Variants in MARK4 observed in about 807,000 individuals in gnomAD.
The protein encoded by MARK4 is MAP/microtubule affinity-regulating kinase 4.
Under a neutral mutation model 81.5 loss-of-function variants are expected in MARK4, and 19 were observed. That is an observed-to-expected ratio of 0.23 (90% CI 0.16 to 0.34). The LOEUF is 0.34. MARK4 is among the 10% of genes least tolerant of loss of function. The probability of loss-of-function intolerance (pLI) is 1.00; values close to 1 mark genes in which losing one functional copy is unlikely to be tolerated. For synonymous variants in MARK4, 436 were observed against 439.0 expected (o/e 0.99, Z 0.08); for missense variants, 772 against 1,058.8 (o/e 0.73, Z 3.76).
chr19:45,270,697 T>C (rs530364304), intron 7 of MARK4, among the ~76,000 whole-genome samples: 4 of 152,240 alleles, frequency 2.6e-5, no homozygotes, highest in Non-Finnish European at 5.9e-5. Context: ...CCTCCCAGGT[T>C]CAAGCAATTT....
intron 13 of MARK4, among the ~76,000 whole-genome samples, chr19:45,291,410 G>T (rs1422012566): frequency 6.6e-6 from 1 of 152,220 alleles, no homozygotes; most frequent in Non-Finnish European, 1.5e-5. Context: ...AGTTTGGGAG[G>T]CCGAGGCGGT....
At chr19:45,277,432 A>G (rs1024301091) in intron 8 of MARK4, among the ~76,000 whole-genome samples, 2 of 143,066 alleles carry the variant, frequency 1.4e-5, no homozygotes, top group Non-Finnish European at 3.0e-5. Context: ...ATGTAGCTTA[A>G]ATTTTTTTTT....
At chr19:45,269,678 G>A (rs529277654) in intron 7 of MARK4, among the ~76,000 whole-genome samples, 2 of 152,208 alleles carry the variant, frequency 1.3e-5, no homozygotes, top group African/African-American at 4.8e-5. Flanking sequence ...CTTCCTCCGC[G>A]CACTGTGGAA....
chr19:45,294,417 G>C lies in MARK4; in HGVS notation c.1563G>C (p.Glu521Asp). ...TTTGCACAGAACGCCCGGGGGCTGA[G>C]CGCCCGTCACTGTTGCCAAATGGGA... ...TYVCTERPGAERPSLLPNGKE... is the reference protein window; with the variant it reads ...TYVCTERPGADRPSLLPNGKE... The change falls in exon 14 of 17, where the codon GAG becomes GAC. Residue 521 changes from glutamate to aspartate, a missense_variant. Physicochemically the swap from Glu to Asp is conservative, Grantham distance 45. Coordinates refer to ENST00000262891, the MANE Select transcript of MARK4 (RefSeq NM_001199867.2). 6.2e-7 allele frequency: 1 copy of C among 1,614,132 alleles called. No individual in the cohort carries two copies. Among genetic ancestry groups the C allele is most frequent in the African/African-American group, 1.3e-5 (1 of 75,034 alleles).
intron 13 of MARK4, among the ~76,000 whole-genome samples, chr19:45,289,385 C>CA (rs35129419): frequency 0.19 from 9,420 of 50,912 alleles, 1,030 homozygotes; most frequent in African/African-American, 0.31. Context: ...GACTCTGTTT[C>CA]AAAAAAAAAA....
chr19:45,270,617 T>A (rs1970514195), intron 7 of MARK4, among the ~76,000 whole-genome samples: 1 of 152,154 alleles, frequency 6.6e-6, no homozygotes, highest in South Asian at 2.1e-4. Context: ...TCTTTTTTTT[T>A]GAGACAAGTT....
In MARK4 at chr19:45,280,066, G is replaced by A. The variant is rs1970651217; in HGVS notation, c.1007-308G>A. Reference sequence around the variant, plus strand: ...GAATGACACAGAAATGAGTGGAAGTGGGCCAGGTGCAGTGGCTTATGCCTG... The same window carrying A: ...GAATGACACAGAAATGAGTGGAAGTAGGCCAGGTGCAGTGGCTTATGCCTG... On this transcript the variant is annotated intron_variant, in intron 10 of 16. Coordinates refer to ENST00000262891, the MANE Select transcript of MARK4 (RefSeq NM_001199867.2). 4.2e-5 allele frequency: 14 copies of A among 331,652 alleles called. No homozygotes were observed. The South Asian group carries it at 4.2e-4, about 10-fold the overall frequency. The allele number at this position is 331,652 out of a possible 1,614,324, so 20.5% of individuals were successfully genotyped here.
At chr19:45,264,524 A>G (rs1246042006) in intron 4 of MARK4, among the ~76,000 whole-genome samples, 160 bp from the exon 5 acceptor site, 1 of 150,200 alleles carries the variant, frequency 6.7e-6, no homozygotes, top group Non-Finnish European at 1.5e-5. Context: ...AGGGTGGTAG[A>G]GGGGGCTGAG....
chr19:45,296,528 A>G (rs777318114), intron 14 of MARK4, among the ~76,000 whole-genome samples: 2 of 152,222 alleles, frequency 1.3e-5, no homozygotes, highest in African/African-American at 4.8e-5. Flanking sequence ...ACTTCTGCTT[A>G]TATCCCATTG....
intron 8 of MARK4, among the ~76,000 whole-genome samples, chr19:45,273,783 C>T (rs540252591): frequency 2.6e-5 from 4 of 152,326 alleles, no homozygotes; most frequent in South Asian, 2.1e-4. Context: ...GTGAGGAGCA[C>T]GTACTGTGAT....
rs183442275 is a variant in MARK4 at position 45,303,295 on chromosome 19, C to T, written c.*585C>T. ...CACCTACGGTTTTTAAGTTATTACA[C>T]CCCGACCCTCCTCCTGTCAGCCCCC... is the stretch of plus-strand genomic sequence containing the variant. On this transcript the variant is annotated 3_prime_UTR_variant, in exon 17 of 17. Transcript: ENST00000262891. The T allele has an allele frequency of 6.3e-3, 978 of 154,248 alleles. 8 individuals carry two copies. Among genetic ancestry groups the T allele is most frequent in the Non-Finnish European group, 9.3e-3 (643 of 69,152 alleles). 9.6% of individuals were successfully genotyped at this position (154,248 alleles called of 1,614,324 possible). A position where few individuals can be genotyped will look rare whatever the true frequency, so the allele number is the denominator to read the frequency against.
At chr19:45,293,003 C>T (rs886253733) in intron 13 of MARK4, among the ~76,000 whole-genome samples, 1 of 152,170 alleles carries the variant, frequency 6.6e-6, no homozygotes, top group African/African-American at 2.4e-5. Flanking sequence ...CGTGGTGGCT[C>T]ATGCCTGTAA....
At chr19:45,251,893 G>C (rs951757011) in intron 1 of MARK4, among the ~76,000 whole-genome samples, 3 of 151,728 alleles carry the variant, frequency 2.0e-5, no homozygotes, top group African/African-American at 7.3e-5. Flanking sequence ...GCTCGGGTCT[G>C]TTCCCTCCAG....
intron 8 of MARK4, among the ~76,000 whole-genome samples, chr19:45,276,464 G>A (rs1378718293): frequency 2.6e-5 from 4 of 152,136 alleles, no homozygotes; most frequent in African/African-American, 9.7e-5. Flanking sequence ...TCCATGAATG[G>A]CCTTGAGGAG....
intron 12 of MARK4, among the ~76,000 whole-genome samples, chr19:45,285,127 T>C (rs1225007655): frequency 6.6e-6 from 1 of 151,458 alleles, no homozygotes; most frequent in Non-Finnish European, 1.5e-5. Context: ...GGCATGGTGG[T>C]GTGCACCTGT....
At position 45,302,238 on chromosome 19, in the gene MARK4, G is replaced by T. The variant is rs918672744; in HGVS notation, c.1923-136G>T. On this transcript the variant is annotated intron_variant, in intron 16 of 16. Coordinates refer to ENST00000262891, the MANE Select transcript of MARK4 (RefSeq NM_001199867.2). This position sits in a 1 kb window ranked among gnomAD's most constrained non-coding sequence, Gnocchi z 4.9. ...AGCTCTGTATCCAGTTGAAACTGTC[G>T]CTGGGGTAACAGGGGAAGATGTTTT... is the stretch of plus-strand genomic sequence containing the variant. 8 of 1,536,610 alleles carry T rather than the reference G, an allele frequency of 5.2e-6. No homozygotes were observed. The highest frequency in any genetic ancestry group is 4.1e-5 in the African/African-American group (3 of 73,190).
Position 45,305,214 on chromosome 19 carries a change from G to A in MARK4, c.*2504G>A, listed in dbSNP as rs1290365738. The stretch of plus-strand genomic sequence containing the variant: ...TCAGAAGGTCCCCACTGGCGTGTGT[G>A]GTCTATGTAGCCTCTGGGTGTGGAG... On this transcript the variant is annotated 3_prime_UTR_variant, in exon 17 of 17. Coordinates refer to ENST00000262891, the MANE Select transcript of MARK4 (RefSeq NM_001199867.2). The A allele has an allele frequency of 6.6e-6, 1 of 152,526 alleles. No homozygotes were observed. Among genetic ancestry groups the A allele is most frequent in the Non-Finnish European group, 1.5e-5 (1 of 68,358 alleles). 9.4% of individuals were successfully genotyped at this position (152,526 alleles called of 1,614,324 possible).
chr19:45,294,462 G>A lies in MARK4; in HGVS notation c.1598+10G>A. 1 of 1,612,506 alleles carries A rather than the reference G, an allele frequency of 6.2e-7. No homozygotes were observed. The highest frequency in any genetic ancestry group is 1.3e-5 in the African/African-American group (1 of 74,986). ...ATGGGAAAGAAAACAGGTACGGAGGGGGCAGCAACAGGGTGAGGGGTGGGA... is the reference window on the plus strand; with the variant it reads ...ATGGGAAAGAAAACAGGTACGGAGGAGGCAGCAACAGGGTGAGGGGTGGGA... On this transcript the variant is annotated intron_variant, in intron 14 of 16. Coordinates refer to ENST00000262891, the MANE Select transcript of MARK4 (RefSeq NM_001199867.2).
At position 45,297,701 on chromosome 19, in the gene MARK4, G is replaced by A; in HGVS notation, c.1624G>A (p.Ala542Thr). 6.5e-7 allele frequency: 1 copy of A among 1,536,622 alleles called. No homozygotes were observed. The highest frequency in any genetic ancestry group is 8.7e-7 in the Non-Finnish European group (1 of 1,149,298). ...CTCAGGCACCCCACGGGTGCCCCCT[G>A]CCTCCCCCTCCAGTCACAGCCTGGC... ...NSSGTPRVPP[A>T]SPSSHSLAPP... Residue 542 changes from alanine (A) to threonine (T), a missense_variant, in exon 15 of 17, where the codon GCC (alanine) becomes ACC (threonine). This residue lies in a region of MARK4 where 548 missense variants were observed against 624.3 expected (regional missense o/e 0.88). Coordinates refer to ENST00000262891, the MANE Select transcript of MARK4 (RefSeq NM_001199867.2).
Sources: allele counts gnomAD v4.1 joint callset (sites outside exome capture counted in the v4.1 genomes callset), GRCh38; gene constraint gnomAD v4.1.1; regional missense constraint gnomAD v4.1.1; non-coding constraint Gnocchi (gnomAD v3.1); transcripts MANE v1.5; gene names NCBI Gene and HGNC (gene_info 2026-07-23, HGNC 2026-07-21).